TMEM108: variants seen among roughly 807,000 people sequenced by gnomAD.
TMEM108 encodes transmembrane protein 108, also known as cancer/testis antigen 124.
In TMEM108, 12 loss-of-function variants were observed where a neutral mutation model predicts 35.1. That is an observed-to-expected ratio of 0.34 (90% confidence interval 0.22 to 0.55). The LOEUF (loss-of-function observed/expected upper bound fraction) is 0.55, where lower values mean the gene tolerates loss of function less well. TMEM108 is among the 20% of genes least tolerant of loss of function. The pLI is 0.89. For missense variants in TMEM108, 680 were observed against 753.3 expected (o/e 0.90, Z 1.14); for synonymous variants, 287 against 308.6 (o/e 0.93, Z 0.73).
At chr3:133,235,661 G>A (rs1018765271) in intron 3 of TMEM108, among the ~76,000 whole-genome samples, 6 of 152,086 alleles carry the variant, frequency 3.9e-5, no homozygotes, top group African/African-American at 1.2e-4. Context: ...CTTTCTTACT[G>A]GCCTTCCTGC....
intron 2 of TMEM108, among the ~76,000 whole-genome samples, chr3:133,209,715 A>G (rs79984864): frequency 6.6e-6 from 1 of 152,142 alleles, no homozygotes; most frequent in Non-Finnish European, 1.5e-5. Flanking sequence ...AATTTGCAGC[A>G]TCAACTGTTT....
intron 2 of TMEM108, among the ~76,000 whole-genome samples, chr3:133,058,889 G>T (rs1352428507): frequency 6.6e-6 from 1 of 152,178 alleles, no homozygotes; most frequent in Non-Finnish European, 1.5e-5. Context: ...GGGTTTCATT[G>T]CATTAATAAT....
At chr3:133,212,866 CAAA>C (rs61575298) in intron 2 of TMEM108, among the ~76,000 whole-genome samples, 1 of 82,664 alleles carries the variant, frequency 1.2e-5, no homozygotes, top group African/African-American at 5.4e-5. Context: ...GACTCTGTCT[CAAA>C]AAAAAAAAAA....
chr3:133,294,746 G>A (rs1947119520), intron 3 of TMEM108, among the ~76,000 whole-genome samples: 1 of 152,212 alleles, frequency 6.6e-6, no homozygotes, highest in African/African-American at 2.4e-5. Context: ...TCAGGAAATT[G>A]TAGGCCAGCA....
At chr3:133,040,378 AT>A (rs1199652159) in intron 1 of TMEM108, among the ~76,000 whole-genome samples, 16 of 151,032 alleles carry the variant, frequency 1.1e-4, no homozygotes, top group Non-Finnish European at 1.8e-4. Flanking sequence ...TAATTTTTGT[AT>A]TTTTTAGTAA....
intron 3 of TMEM108, among the ~76,000 whole-genome samples, chr3:133,244,857 G>C (rs1946363533): frequency 6.6e-6 from 1 of 152,214 alleles, no homozygotes; most frequent in Non-Finnish European, 1.5e-5. Context: ...AGGTGGTCCA[G>C]ATTTTGGAGG....
intron 3 of TMEM108, among the ~76,000 whole-genome samples, chr3:133,357,909 A>T (rs1366719538): frequency 6.6e-6 from 1 of 152,154 alleles, no homozygotes; most frequent in Non-Finnish European, 1.5e-5. Flanking sequence ...ACCAAAAACC[A>T]CCTGTACCCC....
chr3:133,076,983 A>G (rs533797772), intron 2 of TMEM108, among the ~76,000 whole-genome samples: 2 of 152,360 alleles, frequency 1.3e-5, no homozygotes, highest in South Asian at 4.1e-4. Context: ...CTGAGCTGGG[A>G]GGGCTGGGGC....
At chr3:133,133,155 AT>A (rs1400163722) in intron 2 of TMEM108, among the ~76,000 whole-genome samples, 2 of 80,746 alleles carry the variant, frequency 2.5e-5, no homozygotes, top group Non-Finnish European at 4.9e-5. Context: ...AACTTAGTTG[AT>A]GCAGCAGCAG....
At chr3:133,340,606 A>G (rs930562258) in intron 3 of TMEM108, among the ~76,000 whole-genome samples, 3 of 151,504 alleles carry the variant, frequency 2.0e-5, no homozygotes, top group African/African-American at 7.3e-5. Flanking sequence ...ACAGAGACAC[A>G]TCAAAAAAAA....
chr3:133,237,077 C>T (rs1014094485), intron 3 of TMEM108, among the ~76,000 whole-genome samples: 1 of 152,106 alleles, frequency 6.6e-6, no homozygotes, highest in Non-Finnish European at 1.5e-5. Context: ...AGGTAAGCTT[C>T]CTAGGGTCTG....
intron 2 of TMEM108, among the ~76,000 whole-genome samples, chr3:133,189,957 T>G (rs1277121063): frequency 6.6e-6 from 1 of 152,152 alleles, no homozygotes; most frequent in Non-Finnish European, 1.5e-5. Context: ...TCCATGGACA[T>G]TTTGGGACCA....
chr3:133,329,546 A>G (rs889548370), intron 3 of TMEM108, among the ~76,000 whole-genome samples: 1 of 152,192 alleles, frequency 6.6e-6, no homozygotes, highest in Non-Finnish European at 1.5e-5. Flanking sequence ...CCCAACCTCC[A>G]GCGGCTCCTT....
At chr3:133,109,453 C>A (rs1467579189) in intron 2 of TMEM108, among the ~76,000 whole-genome samples, 1 of 151,158 alleles carries the variant, frequency 6.6e-6, no homozygotes, top group East Asian at 2.0e-4. Context: ...CATAGTGAGA[C>A]CCCGTTCTCC....
At chr3:133,345,792 G>A (rs573312499) in intron 3 of TMEM108, among the ~76,000 whole-genome samples, 198 of 151,986 alleles carry the variant, frequency 1.3e-3, no homozygotes, top group Non-Finnish European at 2.6e-3. Context: ...ACAGGTGATG[G>A]AGATGTTCTG....
chr3:133,289,603 A>G (rs183828761), intron 3 of TMEM108, among the ~76,000 whole-genome samples: 1 of 152,342 alleles, frequency 6.6e-6, no homozygotes, highest in Admixed American at 6.5e-5. Context: ...GTGGAACAGG[A>G]ACTGTGGGTA....
chr3:133,249,430 A>C (rs1311455939), intron 3 of TMEM108, among the ~76,000 whole-genome samples: 1 of 152,182 alleles, frequency 6.6e-6, no homozygotes, highest in Admixed American at 6.6e-5. Context: ...TGAGCATGAC[A>C]GATGTAAACC....
intron 2 of TMEM108, among the ~76,000 whole-genome samples, chr3:133,209,235 G>C (rs1323901930): frequency 6.6e-6 from 1 of 151,020 alleles, no homozygotes; most frequent in Non-Finnish European, 1.5e-5. Flanking sequence ...AAGGAATGGG[G>C]TTTTGCTATT....
intron 3 of TMEM108, among the ~76,000 whole-genome samples, chr3:133,315,143 A>G (rs1404241998): frequency 6.6e-6 from 1 of 152,236 alleles, no homozygotes; most frequent in Non-Finnish European, 1.5e-5. Flanking sequence ...AGTGCTTAAT[A>G]GAGGTTAAGT....
Sources: gnomAD v4.1 joint callset for allele counts (sites outside exome capture counted in the v4.1 genomes callset) on GRCh38, gnomAD v4.1.1 for gene constraint, MANE v1.5 for transcripts, NCBI Gene and HGNC (gene_info 2026-07-23, HGNC 2026-07-21) for gene names.